CDH13: variants seen among roughly 807,000 people sequenced by gnomAD.
CDH13 encodes the protein cadherin-13.
In CDH13, 24 loss-of-function variants were observed where a neutral mutation model predicts 63.8. The observed-to-expected ratio is 0.38, with a 90% confidence interval of 0.27 to 0.53. The LOEUF (loss-of-function observed/expected upper bound fraction) is 0.53. CDH13 is among the 20% of genes least tolerant of loss of function. The probability of loss-of-function intolerance (pLI) is 0.85; values close to 1 mark genes in which losing one functional copy is unlikely to be tolerated. For missense variants in CDH13, 1,049 were observed against 903.1 expected (o/e 1.16, Z -2.07); for synonymous variants, 503 against 355.3 (o/e 1.42, Z -4.67).
chr16:83,631,567 T>A (rs968968184), intron 8 of CDH13, among the ~76,000 whole-genome samples: 2 of 152,062 alleles, frequency 1.3e-5, no homozygotes, highest in Non-Finnish European at 2.9e-5. Flanking sequence ...AGTTACAGCT[T>A]GAGGTGGACA....
At chr16:83,664,125 C>T (rs2042874561) in intron 8 of CDH13, among the ~76,000 whole-genome samples, 1 of 152,044 alleles carries the variant, frequency 6.6e-6, no homozygotes, top group Non-Finnish European at 1.5e-5. Context: ...ACACTGCATT[C>T]CAGTCTAGGC....
chr16:83,490,852 C>T (rs1478891908), intron 7 of CDH13, among the ~76,000 whole-genome samples: 2 of 152,208 alleles, frequency 1.3e-5, no homozygotes, highest in Non-Finnish European at 2.9e-5. Flanking sequence ...ATTACACGCT[C>T]ATCCATTTAC....
intron 1 of CDH13, among the ~76,000 whole-genome samples, chr16:82,671,995 T>C (rs1211718866): frequency 6.6e-6 from 1 of 152,174 alleles, no homozygotes; most frequent in Non-Finnish European, 1.5e-5. Flanking sequence ...TCACCTGCTT[T>C]GGAAAGAATG....
chr16:82,977,001 C>A (rs1030355615), intron 2 of CDH13, among the ~76,000 whole-genome samples: 4 of 152,140 alleles, frequency 2.6e-5, no homozygotes, highest in Admixed American at 6.5e-5. Flanking sequence ...GTCTAATCAC[C>A]CCCAACAAAT....
chr16:83,425,943 G>A (rs1271723861), intron 6 of CDH13, among the ~76,000 whole-genome samples: 1 of 152,066 alleles, frequency 6.6e-6, no homozygotes, highest in African/African-American at 2.4e-5. Context: ...TTCTACTGGG[G>A]AGAATGAAAA....
chr16:83,043,446 C>A (rs531464718), intron 3 of CDH13, among the ~76,000 whole-genome samples: 3 of 151,480 alleles, frequency 2.0e-5, no homozygotes, highest in Non-Finnish European at 4.4e-5. Flanking sequence ...AAAACGAAAC[C>A]AGTGAAATTA....
intron 10 of CDH13, among the ~76,000 whole-genome samples, chr16:83,747,417 T>C (rs567642223): frequency 1.3e-5 from 2 of 152,296 alleles, no homozygotes; most frequent in South Asian, 4.1e-4. Context: ...ACGTAAGACA[T>C]GCCTTTCACC....
intron 7 of CDH13, among the ~76,000 whole-genome samples, chr16:83,515,078 T>G (rs1351635497): frequency 6.6e-6 from 1 of 152,114 alleles, no homozygotes; most frequent in East Asian, 1.9e-4. Context: ...TAGAATCTGG[T>G]TTCCTCATCT....
intron 1 of CDH13, among the ~76,000 whole-genome samples, chr16:82,783,817 T>G (rs1028673032): frequency 4.4e-5 from 6 of 137,714 alleles, no homozygotes; most frequent in African/African-American, 1.5e-4. Flanking sequence ...GCGGCAGGCT[T>G]CTGACAAGGG....
In CDH13 at chr16:83,482,709, A is replaced by G. The variant is rs569910636; in HGVS notation, c.782-3768A>G. On this transcript the variant is annotated intron_variant, in intron 6 of 13. Transcript: ENST00000567109. ...TAAAGCCTGGTCTTAGAGGCCGACT[A>G]GAGGACCACGTGGAGACATGGTGTA... Among the ~76,000 whole-genome samples the G allele has an allele frequency of 2.8e-3, 433 of 152,342 alleles. 3 individuals are homozygous for G. Among genetic ancestry groups the G allele is most frequent in the Non-Finnish European group, 5.5e-3 (375 of 68,030 alleles).
chr16:82,676,650 A>G (rs576009831), intron 1 of CDH13, among the ~76,000 whole-genome samples: 1 of 152,174 alleles, frequency 6.6e-6, no homozygotes, highest in South Asian at 2.1e-4. Context: ...TTTGATCAAA[A>G]TCCTTCAGTG....
At chr16:83,142,995 C>T (rs908453864) in intron 4 of CDH13, among the ~76,000 whole-genome samples, 1 of 152,130 alleles carries the variant, frequency 6.6e-6, no homozygotes, top group Non-Finnish European at 1.5e-5. Context: ...CCCAGCTACT[C>T]AGGAAGGCTG....
At chr16:83,648,356 C>T (rs576743024) in intron 8 of CDH13, among the ~76,000 whole-genome samples, 7 of 152,218 alleles carry the variant, frequency 4.6e-5, no homozygotes, top group African/African-American at 1.7e-4. Context: ...TGATTCAACG[C>T]AAGTTTGTGT....
intron 10 of CDH13, among the ~76,000 whole-genome samples, chr16:83,745,510 T>A (rs966212472): frequency 6.6e-6 from 1 of 152,182 alleles, no homozygotes; most frequent in African/African-American, 2.4e-5. Context: ...TCGGAGGGGC[T>A]CTGGATGGTG....
chr16:82,858,652 T>C (rs1251640344), intron 2 of CDH13, 179 bp downstream of exon 2: 1 of 646,164 alleles, frequency 1.5e-6, no homozygotes, highest in Non-Finnish European at 2.8e-6. Context: ...AACTTAGAGG[T>C]TAATAGAGTG....
intron 1 of CDH13, among the ~76,000 whole-genome samples, chr16:82,711,089 A>T (rs1294760370): frequency 6.6e-6 from 1 of 152,068 alleles, no homozygotes; most frequent in Non-Finnish European, 1.5e-5. Flanking sequence ...TTATGTCTGA[A>T]TACCTCCTGG....
At chr16:83,042,601 C>T (rs970101233) in intron 3 of CDH13, among the ~76,000 whole-genome samples, 3 of 152,076 alleles carry the variant, frequency 2.0e-5, no homozygotes, top group Non-Finnish European at 2.9e-5. Flanking sequence ...ATCCCAAAAC[C>T]GCCACCATGA....
intron 4 of CDH13, among the ~76,000 whole-genome samples, chr16:83,173,257 G>C (rs767587278): frequency 2.4e-4 from 37 of 152,114 alleles, no homozygotes; most frequent in Non-Finnish European, 4.9e-4. Context: ...CAGGCAGTCT[G>C]ACCCTGGGGG....
chr16:82,675,565 A>G (rs900202092), intron 1 of CDH13, among the ~76,000 whole-genome samples: 1 of 152,220 alleles, frequency 6.6e-6, no homozygotes, highest in Admixed American at 6.5e-5. Flanking sequence ...CGTTTGCCTC[A>G]TTACAATTCC....
Sources: allele counts gnomAD v4.1 joint callset (sites outside exome capture counted in the v4.1 genomes callset), GRCh38; gene constraint gnomAD v4.1.1; transcripts MANE v1.5; gene names NCBI Gene and HGNC (gene_info 2026-07-23, HGNC 2026-07-21).